The following ATP9B variants were observed in gnomAD, a reference collection of about 807,000 sequenced individuals.
ATP9B encodes the protein ATPase phospholipid transporting 9B, also known as probable phospholipid-transporting ATPase IIB.
In ATP9B, 110 loss-of-function variants were observed where a neutral mutation model predicts 146.1. That is an observed-to-expected ratio of 0.75 (90% CI 0.65 to 0.88). The LOEUF is 0.88. ATP9B is among the 40% of genes least tolerant of loss of function. The pLI, the probability that ATP9B is intolerant of heterozygous loss-of-function variation, is 0.00. For missense variants in ATP9B, 1,499 were observed against 1,496.4 expected (o/e 1.00, Z -0.03); for synonymous variants, 604 against 569.7 (o/e 1.06, Z -0.86).
chr18:79,303,762 G>T (rs779639058), intron 14 of ATP9B, 46 bp downstream of exon 14: 5 of 1,416,744 alleles, frequency 3.5e-6, no homozygotes, highest in Non-Finnish European at 4.0e-6. Context: ...CACACATCCC[G>T]CGCCATGAGT....
intron 5 of ATP9B, among the ~76,000 whole-genome samples, chr18:79,143,089 AAG>A (rs1294224394): frequency 6.6e-6 from 1 of 151,720 alleles, no homozygotes; most frequent in Non-Finnish European, 1.5e-5. Flanking sequence ...CAGGAAGAGA[AAG>A]AGGGGCAGAG....
At chr18:79,365,047 C>A (rs916707519) in intron 26 of ATP9B, among the ~76,000 whole-genome samples, 1 of 151,446 alleles carries the variant, frequency 6.6e-6, no homozygotes, top group Non-Finnish European at 1.5e-5. Context: ...AAAAGTTTTT[C>A]TCTCTGAATG....
At chr18:79,233,199 G>A (rs1258790236) in intron 11 of ATP9B, among the ~76,000 whole-genome samples, 1 of 152,046 alleles carries the variant, frequency 6.6e-6, no homozygotes, top group Non-Finnish European at 1.5e-5. Flanking sequence ...GGCTGAAGCA[G>A]GAGAATCACT....
chr18:79,084,303 C>T (rs903054379), intron 1 of ATP9B, among the ~76,000 whole-genome samples: 1 of 152,022 alleles, frequency 6.6e-6, no homozygotes, highest in Admixed American at 6.6e-5. Flanking sequence ...AACCCTATCC[C>T]ATCATTTTCC....
chr18:79,352,944 C>T (rs537595268), intron 25 of ATP9B: 1 of 152,372 alleles, frequency 6.6e-6, no homozygotes, highest in South Asian at 2.1e-4. Context: ...AACGATCAGA[C>T]AGACAACTCA....
intron 9 of ATP9B, among the ~76,000 whole-genome samples, chr18:79,201,791 C>T (rs2095490915): frequency 6.6e-6 from 1 of 152,058 alleles, no homozygotes; most frequent in African/African-American, 2.4e-5. Context: ...GAACTCCTGA[C>T]CTAGTGATCC....
intron 2 of ATP9B, among the ~76,000 whole-genome samples, chr18:79,102,658 AT>A (rs2075365810): frequency 6.6e-6 from 1 of 152,168 alleles, no homozygotes; most frequent in African/African-American, 2.4e-5. Flanking sequence ...TCTTGTTCAT[AT>A]CTACAAAATC....
At chr18:79,151,913 T>A (rs1194756582) in intron 6 of ATP9B, among the ~76,000 whole-genome samples, 1 of 152,094 alleles carries the variant, frequency 6.6e-6, no homozygotes, top group Non-Finnish European at 1.5e-5. Context: ...GGGAGAAAAT[T>A]TTTGCAATCT....
At chr18:79,099,289 T>A (rs2075074060) in intron 2 of ATP9B, among the ~76,000 whole-genome samples, 1 of 152,174 alleles carries the variant, frequency 6.6e-6, no homozygotes, top group African/African-American at 2.4e-5. Context: ...TGGTGTGATG[T>A]CAGCTCACCT....
intron 15 of ATP9B, among the ~76,000 whole-genome samples, chr18:79,324,585 G>C (rs1012677353): frequency 6.6e-6 from 1 of 152,124 alleles, no homozygotes; most frequent in African/African-American, 2.4e-5. Flanking sequence ...GCTGTGGGCT[G>C]AGACCAGACC....
At chr18:79,329,431 T>G in intron 16 of ATP9B, 129 bp downstream of exon 16, 2 of 548,350 alleles carry the variant, frequency 3.6e-6, no homozygotes, top group Non-Finnish European at 5.0e-6. Context: ...GTTTTGTTTG[T>G]TTTTTTTTTT....
In ATP9B at chr18:79,337,454, T is replaced by C. The variant is rs1050146594; in HGVS notation, c.2283+5T>C. On this transcript the variant is annotated splice_donor_5th_base_variant and intron_variant, in intron 19 of 29. Transcript: ENST00000426216. ...CTGCGCAACGCCGGGATCAAGGTAC[T>C]GCAGGCTCACCTCTGCTGGCGCGCG... is the stretch of plus-strand genomic sequence containing the variant. 6.2e-7 allele frequency: 1 copy of C among 1,607,602 alleles called. No homozygotes were observed. Among genetic ancestry groups the C allele is most frequent in the Non-Finnish European group, 8.5e-7 (1 of 1,179,040 alleles).
At chr18:79,225,355 T>C (rs1481231684) in intron 11 of ATP9B, among the ~76,000 whole-genome samples, 2 of 152,248 alleles carry the variant, frequency 1.3e-5, no homozygotes, top group African/African-American at 2.4e-5. Flanking sequence ...TATTGTCAGC[T>C]GATAATTACC....
At chr18:79,300,184 C>G (rs1045073018) in intron 13 of ATP9B, among the ~76,000 whole-genome samples, 2 of 152,172 alleles carry the variant, frequency 1.3e-5, no homozygotes, top group Non-Finnish European at 2.9e-5. Context: ...GAGGGGGGCA[C>G]TCCATGTCTG....
chr18:79,293,171 T>C (rs553380583), intron 13 of ATP9B, among the ~76,000 whole-genome samples: 1 of 151,418 alleles, frequency 6.6e-6, no homozygotes, highest in East Asian at 1.9e-4. Context: ...TGGATACTTA[T>C]CCCACTTGTA....
At position 79,195,564 on chromosome 18, in the gene ATP9B, T is replaced by G. The variant is rs571229581; in HGVS notation, c.954+2301T>G. Among the ~76,000 whole-genome samples, 6 of 152,280 alleles carry G rather than the reference T, an allele frequency of 3.9e-5. No individual in the cohort carries two copies. In the South Asian group the frequency reaches 1.0e-3, roughly 26 times the overall value. On this transcript the variant is annotated intron_variant, in intron 9 of 29. Coordinates refer to ENST00000426216, the MANE Select transcript of ATP9B (RefSeq NM_198531.5). Reference sequence around the variant, plus strand: ...GATTTAAATGTTACTAACCAAACAATGGTACTTAGGAAAGAACACCATAAA... The same window carrying G: ...GATTTAAATGTTACTAACCAAACAAGGGTACTTAGGAAAGAACACCATAAA...
intron 9 of ATP9B, among the ~76,000 whole-genome samples, chr18:79,205,349 C>G (rs890321744): frequency 6.6e-6 from 1 of 152,172 alleles, no homozygotes; most frequent in African/African-American, 2.4e-5. Context: ...AGCAAAACGG[C>G]CAAAATTACA....
chr18:79,082,302 T>C (rs2073351002), intron 1 of ATP9B, among the ~76,000 whole-genome samples: 1 of 152,250 alleles, frequency 6.6e-6, no homozygotes, highest in African/African-American at 2.4e-5. Flanking sequence ...TAACAATTCC[T>C]CTAACCTTTT....
chr18:79,094,973 C>T (rs1338212550), intron 1 of ATP9B, among the ~76,000 whole-genome samples: 4 of 152,160 alleles, frequency 2.6e-5, no homozygotes, highest in African/African-American at 9.7e-5. Context: ...GTACTTAAAA[C>T]GTGCTGTTTC....
Sources: gnomAD v4.1 joint callset for allele counts (sites outside exome capture counted in the v4.1 genomes callset) on GRCh38, gnomAD v4.1.1 for gene constraint, MANE v1.5 for transcripts, NCBI Gene and HGNC (gene_info 2026-07-23, HGNC 2026-07-21) for gene names.